The following DUSP22 variants were observed in gnomAD, a reference collection of about 807,000 sequenced individuals.
The protein encoded by DUSP22 is dual specificity protein phosphatase 22.
A neutral mutation model predicts 24.5 loss-of-function variants in DUSP22; 24 were observed. The ratio of observed to expected loss-of-function variants is 0.98; its 90% CI spans 0.71 to 1.38. DUSP22 has a LOEUF of 1.38. Ranked by LOEUF, DUSP22 falls within the 40% of genes most tolerant of loss-of-function variation. The pLI, the probability that DUSP22 is intolerant of heterozygous loss-of-function variation, is 0.00. For missense variants in DUSP22, 330 were observed against 269.2 expected (o/e 1.23, Z -1.58); for synonymous variants, 160 against 106.4 (o/e 1.50, Z -3.10).
At chr6:346,030 A>G in intron 5 of DUSP22, 102 bp downstream of exon 5, 10 of 1,436,404 alleles carry the variant, frequency 7.0e-6, no homozygotes, top group South Asian at 1.2e-5. Context: ...ACCTCCTAAT[A>G]GTTTTCTGTA....
intron 3 of DUSP22, among the ~76,000 whole-genome samples, chr6:331,527 T>A (rs1356897664): frequency 6.6e-6 from 1 of 152,306 alleles, no homozygotes; most frequent in Non-Finnish European, 1.5e-5. Flanking sequence ...AACCGGAGAG[T>A]GGTCCTGTCT....
At position 330,076 on chromosome 6, in the gene DUSP22, C is replaced by T. The variant is rs534078066; in HGVS notation, c.139-5038C>T. On this transcript the variant is annotated intron_variant, in intron 3 of 6. Transcript: ENST00000419235. ...ACACAGGCCGGTGAAGCAGGGCACC[C>T]GGCACCTCCCTCATGGGACTCATTT... 3.9e-4 allele frequency among the ~76,000 whole-genome samples: 59 copies of T among 152,390 alleles called. No individual in the cohort carries two copies. The South Asian group carries it at 0.01, about 27-fold the overall frequency.
chr6:304,451 C>T (rs1213547469), intron 1 of DUSP22, among the ~76,000 whole-genome samples, 177 bp from the exon 2 acceptor site: 1 of 152,310 alleles, frequency 6.6e-6, no homozygotes, highest in Non-Finnish European at 1.5e-5. Context: ...GGGCACCAAC[C>T]CACGGCCTTC....
At chr6:303,336 G>A (rs545882831) in intron 1 of DUSP22, among the ~76,000 whole-genome samples, 40 of 152,406 alleles carry the variant, frequency 2.6e-4, no homozygotes, top group Middle Eastern at 3.4e-3. Context: ...CAGTTTGGCC[G>A]ATACATTACG....
intron 1 of DUSP22, among the ~76,000 whole-genome samples, chr6:296,887 C>T (rs544724274): frequency 7.9e-5 from 12 of 152,422 alleles, no homozygotes; most frequent in South Asian, 4.1e-4. Context: ...ATCAAGCATC[C>T]GGCCTGCCTG....
chr6:318,331 A>G (rs1463426225), intron 3 of DUSP22, among the ~76,000 whole-genome samples: 2 of 152,310 alleles, frequency 1.3e-5, no homozygotes, highest in Non-Finnish European at 2.9e-5. Flanking sequence ...GCTTGTGGAA[A>G]CGCTGTCACA....
chr6:333,922 A>G (rs1347302980), intron 3 of DUSP22, among the ~76,000 whole-genome samples: 1 of 152,308 alleles, frequency 6.6e-6, no homozygotes, highest in Admixed American at 6.5e-5. Flanking sequence ...AGTAGGACTC[A>G]CAATGTCAGG....
intron 2 of DUSP22, among the ~76,000 whole-genome samples, chr6:310,555 T>A (rs1477380718): frequency 6.6e-6 from 1 of 152,308 alleles, no homozygotes; most frequent in East Asian, 1.9e-4. Context: ...TTTCATTTTT[T>A]AATTGTGCTT....
intron 1 of DUSP22, among the ~76,000 whole-genome samples, chr6:293,393 G>C (rs764945635): frequency 4.6e-5 from 7 of 152,298 alleles, no homozygotes; most frequent in Admixed American, 2.0e-4. Flanking sequence ...GGCTGGTTTC[G>C]AGGAAGGATT....
rs562581664 is a variant in DUSP22, at chr6:342,378, G to A, written c.189-3476G>A. Among the ~76,000 whole-genome samples the A allele has an allele frequency of 1.0e-4, 16 of 152,412 alleles. No individual in the cohort carries two copies. In the South Asian group the frequency reaches 1.7e-3, roughly 16 times the overall value. On this transcript the variant is annotated intron_variant, in intron 4 of 6. Coordinates refer to ENST00000419235, the MANE Select transcript of DUSP22 (RefSeq NM_001286555.3). Reference sequence around the variant, plus strand: ...GGCACCCTTGGGGGGCCACAGCAGCGTGAGCAGCCTGGGGGACCAAGGAGG... The same window carrying A: ...GGCACCCTTGGGGGGCCACAGCAGCATGAGCAGCCTGGGGGACCAAGGAGG...
rs533023106 is a variant in DUSP22 at position 348,098 on chromosome 6, C to T, written c.264-5C>T. 345 of 1,613,932 alleles carry T rather than the reference C, an allele frequency of 2.1e-4. No individual in the cohort carries two copies. The South Asian group carries it at 3.3e-3, about 16-fold the overall frequency. On this transcript the variant is annotated splice_region_variant and splice_polypyrimidine_tract_variant and intron_variant, in intron 5 of 6. Transcript: ENST00000419235. ...CTCACACATGTGCTTCTCTTGGCCCCGCAGCCTGGCCGGGGTCTCCAGGAG... is the reference window on the plus strand; with the variant it reads ...CTCACACATGTGCTTCTCTTGGCCCTGCAGCCTGGCCGGGGTCTCCAGGAG...
intron 3 of DUSP22, among the ~76,000 whole-genome samples, chr6:316,721 G>T (rs1206524183): frequency 6.6e-6 from 1 of 152,294 alleles, no homozygotes; most frequent in Non-Finnish European, 1.5e-5. Flanking sequence ...CAGAGCACCT[G>T]CAGGAAACAA....
chr6:329,215 G>A (rs757741233), intron 3 of DUSP22, among the ~76,000 whole-genome samples: 8 of 152,300 alleles, frequency 5.3e-5, no homozygotes, highest in African/African-American at 9.6e-5. Flanking sequence ...GTGGCCAGAC[G>A]GTTTTCACAG....
At chr6:302,429 G>C (rs1157975724) in intron 1 of DUSP22, among the ~76,000 whole-genome samples, 1 of 152,306 alleles carries the variant, frequency 6.6e-6, no homozygotes, top group African/African-American at 2.4e-5. Context: ...CCTTTCTGCA[G>C]GCTGACCGTT....
At chr6:293,689 G>T (rs554042588) in intron 1 of DUSP22, among the ~76,000 whole-genome samples, 2 of 152,274 alleles carry the variant, frequency 1.3e-5, no homozygotes, top group Non-Finnish European at 2.9e-5. Context: ...TTTCACGTGC[G>T]CATGTCGTGT....
At chr6:295,974 G>C (rs1757310758) in intron 1 of DUSP22, among the ~76,000 whole-genome samples, 1 of 152,290 alleles carries the variant, frequency 6.6e-6, no homozygotes, top group African/African-American at 2.4e-5. Context: ...AGGCAGGGCA[G>C]AACCCAGTCT....
At chr6:296,850 C>T (rs1253261466) in intron 1 of DUSP22, among the ~76,000 whole-genome samples, 1 of 152,302 alleles carries the variant, frequency 6.6e-6, no homozygotes, top group Non-Finnish European at 1.5e-5. Flanking sequence ...TCTTGCCCTC[C>T]ACTGACTGCC....
chr6:300,734 G>T (rs1475975147), intron 1 of DUSP22, among the ~76,000 whole-genome samples: 1 of 152,312 alleles, frequency 6.6e-6, no homozygotes, highest in Non-Finnish European at 1.5e-5. Context: ...CTTGCCTCAA[G>T]ATCTGTGCAC....
intron 4 of DUSP22, among the ~76,000 whole-genome samples, chr6:336,158 T>C (rs1759353835): frequency 6.6e-6 from 1 of 152,302 alleles, no homozygotes. Flanking sequence ...GCTGAAAGGC[T>C]GGGGCTGGAA....
Sources: gnomAD v4.1 joint callset for allele counts (sites outside exome capture counted in the v4.1 genomes callset) on GRCh38, gnomAD v4.1.1 for gene constraint, MANE v1.5 for transcripts, NCBI Gene and HGNC (gene_info 2026-07-23, HGNC 2026-07-21) for gene names.